TG: variants seen among roughly 807,000 people sequenced by gnomAD.
TG encodes the protein thyroid hormones.
Under a neutral mutation model 324.7 loss-of-function variants are expected in TG, and 270 were observed. The ratio of observed to expected loss-of-function variants is 0.83; its 90% CI spans 0.75 to 0.92. The LOEUF is 0.92. Ranked by LOEUF, TG falls within the 40% of genes least tolerant of loss-of-function variation. TG has a pLI of 0.00. For synonymous variants in TG, 1,401 were observed against 1,327.0 expected (o/e 1.06, Z -1.21); for missense variants, 3,591 against 3,456.4 (o/e 1.04, Z -0.98).
chr8:132,939,000 C>T (rs779455328), intron 25 of TG, among the ~76,000 whole-genome samples: 11 of 145,298 alleles, frequency 7.6e-5, no homozygotes, highest in African/African-American at 1.3e-4. Context: ...TGCAGTGAGC[C>T]GAGATTGCAC....
chr8:133,009,518 C>G (rs1392753258), intron 35 of TG, among the ~76,000 whole-genome samples: 3 of 151,970 alleles, frequency 2.0e-5, no homozygotes, highest in Non-Finnish European at 4.4e-5. Context: ...TCTTTTCTCT[C>G]TCTTATTTTT....
At chr8:132,910,865 T>C (rs1181678456) in intron 18 of TG, among the ~76,000 whole-genome samples, 1 of 152,174 alleles carries the variant, frequency 6.6e-6, no homozygotes, top group Non-Finnish European at 1.5e-5. Flanking sequence ...CCTGGCACCA[T>C]CCTTGGGCTA....
chr8:133,124,220 G>A (rs1320097373), intron 45 of TG, among the ~76,000 whole-genome samples: 1 of 152,198 alleles, frequency 6.6e-6, no homozygotes, highest in Non-Finnish European at 1.5e-5. Context: ...GTGTGCTATG[G>A]CACTTGAATT....
intron 41 of TG, among the ~76,000 whole-genome samples, chr8:133,064,882 T>G (rs897099132): frequency 3.3e-5 from 5 of 151,976 alleles, no homozygotes; most frequent in African/African-American, 1.2e-4. Context: ...GGAAGGAGGG[T>G]AGCCCGAACC....
intron 34 of TG, among the ~76,000 whole-genome samples, chr8:132,979,799 G>A (rs1270156659): frequency 6.6e-6 from 1 of 152,122 alleles, no homozygotes; most frequent in Non-Finnish European, 1.5e-5. Flanking sequence ...CTCTGTTCCA[G>A]TGATTCAATT....
intron 35 of TG, among the ~76,000 whole-genome samples, chr8:133,006,838 GT>G (rs1194104534): frequency 6.6e-6 from 1 of 152,170 alleles, no homozygotes; most frequent in East Asian, 1.9e-4. Flanking sequence ...TTAGTTATAG[GT>G]TTTTTGAATC....
At chr8:133,121,111 T>C (rs1034026211) in intron 45 of TG, among the ~76,000 whole-genome samples, 6 of 152,154 alleles carry the variant, frequency 3.9e-5, no homozygotes, top group Admixed American at 1.3e-4. Flanking sequence ...TCTCTGCACC[T>C]CAGAGCCCAG....
At chr8:133,006,207 G>T (rs554924477) in intron 35 of TG, among the ~76,000 whole-genome samples, 1 of 152,366 alleles carries the variant, frequency 6.6e-6, no homozygotes, top group South Asian at 2.1e-4. Flanking sequence ...GTGAGGTTTA[G>T]AACTCAGAAC....
At chr8:132,920,303 C>T (rs1820931663) in intron 21 of TG, among the ~76,000 whole-genome samples, 1 of 152,178 alleles carries the variant, frequency 6.6e-6, no homozygotes, top group Non-Finnish European at 1.5e-5. Context: ...TAGTCTGAAA[C>T]TGTGTCAATG....
chr8:132,917,200 A>G (rs1820462964), intron 20 of TG, among the ~76,000 whole-genome samples: 1 of 151,988 alleles, frequency 6.6e-6, no homozygotes, highest in African/African-American at 2.4e-5. Flanking sequence ...AGGCACTCAC[A>G]GCCTGGCTGG....
At chr8:133,086,673 A>C (rs1033388195) in intron 41 of TG, among the ~76,000 whole-genome samples, 1 of 152,222 alleles carries the variant, frequency 6.6e-6, no homozygotes, top group Non-Finnish European at 1.5e-5. Flanking sequence ...ATAAAACCTG[A>C]AACAATAATA....
At chr8:133,121,754 A>C (rs138772423) in intron 45 of TG, among the ~76,000 whole-genome samples, 1 of 152,308 alleles carries the variant, frequency 6.6e-6, no homozygotes, top group Non-Finnish European at 1.5e-5. Flanking sequence ...TAAAACAGAG[A>C]CAGGCAAATA....
chr8:133,121,538 T>A (rs1851142885), intron 45 of TG, among the ~76,000 whole-genome samples: 1 of 152,214 alleles, frequency 6.6e-6, no homozygotes, highest in Non-Finnish European at 1.5e-5. Context: ...GCGGTATTGC[T>A]ATTCTTATGG....
chr8:133,017,429 C>G (rs1835138836), intron 37 of TG, among the ~76,000 whole-genome samples: 1 of 152,112 alleles, frequency 6.6e-6, no homozygotes, highest in Non-Finnish European at 1.5e-5. Flanking sequence ...CTCCAGACCT[C>G]CCCAGGGGAT....
rs545602350 is a variant in TG at position 132,960,147 on chromosome 8, C to A, written c.5402-861C>A. On this transcript the variant is annotated intron_variant, in intron 27 of 47. Transcript: ENST00000220616. ...GCACACCACCATGGCACACGTATAC[C>A]TATGTAACAAACCAGCACAAAGTTT... Among the ~76,000 whole-genome samples the A allele has an allele frequency of 1.2e-3, 188 of 152,220 alleles. 1 individual carries two copies. The highest frequency in any genetic ancestry group is 4.5e-3 in the African/African-American group (187 of 41,524).
chr8:133,130,690 C>T (rs183433537), intron 45 of TG, among the ~76,000 whole-genome samples: 14 of 152,300 alleles, frequency 9.2e-5, no homozygotes, highest in Admixed American at 9.1e-4. Flanking sequence ...CCTTTGATTT[C>T]AGTCCACTAA....
At chr8:133,115,696 C>T (rs747576601) in intron 44 of TG, among the ~76,000 whole-genome samples, 52 of 152,310 alleles carry the variant, frequency 3.4e-4, no homozygotes, top group Admixed American at 1.3e-3. Context: ...CTGAGTATCT[C>T]ACCTTTACTC....
At chr8:132,917,185 T>C (rs1820460038) in intron 20 of TG, among the ~76,000 whole-genome samples, 1 of 151,874 alleles carries the variant, frequency 6.6e-6, no homozygotes, top group Admixed American at 6.6e-5. Context: ...AAAGCTCCAA[T>C]CTCAAGGCAC....
chr8:133,127,947 T>C (rs988996658), intron 45 of TG, among the ~76,000 whole-genome samples: 2 of 151,986 alleles, frequency 1.3e-5, no homozygotes, highest in Non-Finnish European at 2.9e-5. Flanking sequence ...TACTCATCTG[T>C]CCAAGCACAA....
Sources: allele counts gnomAD v4.1 joint callset (sites outside exome capture counted in the v4.1 genomes callset), GRCh38; gene constraint gnomAD v4.1.1; transcripts MANE v1.5; gene names NCBI Gene and HGNC (gene_info 2026-07-23, HGNC 2026-07-21).